PRSS3: variants seen among roughly 807,000 people sequenced by gnomAD.
PRSS3 encodes the protein serine protease 3.
PRSS3 carries 14 observed loss-of-function variants against 20.8 expected under a neutral mutation model. The observed-to-expected ratio is 0.67, with a 90% confidence interval of 0.44 to 1.05. The LOEUF (loss-of-function observed/expected upper bound fraction) is 1.05, where lower values mean the gene tolerates loss of function less well. Ranked by LOEUF, PRSS3 falls within the 50% of genes least tolerant of loss-of-function variation. PRSS3 has a pLI of 0.00. For synonymous variants in PRSS3, 91 were observed against 117.6 expected (o/e 0.77, Z 1.46); for missense variants, 237 against 306.4 (o/e 0.77, Z 1.69).
chr9:33,774,664 TA>T (rs1267136028), intron 1 of PRSS3, among the ~76,000 whole-genome samples: 2 of 152,078 alleles, frequency 1.3e-5, no homozygotes, highest in Non-Finnish European at 2.9e-5. Context: ...AACAAAAATG[TA>T]AATTTTTTAT....
At chr9:33,781,094 A>G (rs1201373301) in intron 1 of PRSS3, among the ~76,000 whole-genome samples, 1 of 152,236 alleles carries the variant, frequency 6.6e-6, no homozygotes, top group Non-Finnish European at 1.5e-5. Context: ...GTTGGTGGAA[A>G]TGTAAATTAG....
At chr9:33,795,427 T>A, upstream of PRSS3, 1 of 1,139,384 alleles carries the variant, frequency 8.8e-7, no homozygotes, top group Non-Finnish European at 1.3e-6. Context: ...GTAGCCGAGC[T>A]GATGCAAGAC....
At chr9:33,778,154 T>C (rs1824024585) in intron 1 of PRSS3, among the ~76,000 whole-genome samples, 1 of 152,122 alleles carries the variant, frequency 6.6e-6, no homozygotes, top group Non-Finnish European at 1.5e-5. Context: ...TCATTTATGA[T>C]AAAAACACTC....
At chr9:33,759,323 G>A (rs556962903) in intron 1 of PRSS3, among the ~76,000 whole-genome samples, 13 of 152,236 alleles carry the variant, frequency 8.5e-5, no homozygotes, top group East Asian at 3.9e-4. Flanking sequence ...GACTGGCTGC[G>A]GGGTGGAAGA....
rs1822659128 is a variant in PRSS3, at chr9:33,750,861, A to G, written c.-53+134A>G. The stretch of plus-strand genomic sequence containing the variant: ...GGGACCTGCGGGGGAGGGTACGCGG[A>G]CAGGGAGGGGATACCGACTGGGAGG... On this transcript the variant is annotated intron_variant, in intron 1 of 5. Coordinates refer to the PRSS3 transcript ENST00000342836. The surrounding 1 kb of genome is among the most constrained non-coding windows in gnomAD (Gnocchi z 4.8). The G allele has an allele frequency of 2.9e-6, 4 of 1,379,798 alleles. No homozygotes were observed. Among genetic ancestry groups the G allele is most frequent in the African/African-American group, 1.5e-5 (1 of 65,422 alleles). The allele number at this position is 1,379,798 out of a possible 1,614,324, so 85.5% of individuals were successfully genotyped here.
intron 1 of PRSS3, among the ~76,000 whole-genome samples, chr9:33,757,514 G>A (rs1337776304): frequency 6.7e-6 from 1 of 150,142 alleles, no homozygotes; most frequent in Non-Finnish European, 1.5e-5. Context: ...TAGATCACGT[G>A]AAGGGAACAG....
At chr9:33,776,854 A>AC (rs1823957083) in intron 1 of PRSS3, among the ~76,000 whole-genome samples, 1 of 152,168 alleles carries the variant, frequency 6.6e-6, no homozygotes, top group East Asian at 1.9e-4. Context: ...GTGCAATTGG[A>AC]GTAAGAGTGA....
chr9:33,768,210 T>C (rs1226489992), intron 1 of PRSS3, among the ~76,000 whole-genome samples: 2 of 152,240 alleles, frequency 1.3e-5, no homozygotes, highest in Non-Finnish European at 2.9e-5. Flanking sequence ...CTGGGCGCTG[T>C]GGCTCACGCC....
chr9:33,786,756 T>C (rs1322693144), intron 1 of PRSS3: 7 of 765,918 alleles, frequency 9.1e-6, no homozygotes, highest in Non-Finnish European at 1.7e-5. Context: ...CGCCCAAACC[T>C]AACATTCTCA....
intron 1 of PRSS3, among the ~76,000 whole-genome samples, chr9:33,766,289 A>AAT (rs1263152118): frequency 7.3e-6 from 1 of 137,448 alleles, no homozygotes; most frequent in African/African-American, 2.6e-5. Context: ...AAAAAAAAAA[A>AAT]GGAGCCGGGG....
chr9:33,787,178 C>T (rs1486618061), intron 1 of PRSS3, among the ~76,000 whole-genome samples: 1 of 152,116 alleles, frequency 6.6e-6, no homozygotes, highest in Admixed American at 6.5e-5. Context: ...TAGCCTTTAA[C>T]TGTTTTATCT....
At chr9:33,761,535 T>C (rs1158261395) in intron 1 of PRSS3, among the ~76,000 whole-genome samples, 16 of 151,974 alleles carry the variant, frequency 1.1e-4, no homozygotes, top group African/African-American at 3.9e-4. Flanking sequence ...GGAGAAACCC[T>C]GCCTCTACTA....
chr9:33,794,798 A>G (rs1435810756), upstream of PRSS3: 5 of 1,550,756 alleles, frequency 3.2e-6, no homozygotes, highest in African/African-American at 1.4e-5. Flanking sequence ...CAGGATGCAC[A>G]TGAGAGAGAC....
chr9:33,780,714 TC>T (rs1194967814), intron 1 of PRSS3, among the ~76,000 whole-genome samples: 1 of 152,068 alleles, frequency 6.6e-6, no homozygotes, highest in Non-Finnish European at 1.5e-5. Context: ...AAAATATCTA[TC>T]AAGCAAATGA....
At chr9:33,759,213 A>T (rs1369272021) in intron 1 of PRSS3, among the ~76,000 whole-genome samples, 1 of 152,188 alleles carries the variant, frequency 6.6e-6, no homozygotes, top group Non-Finnish European at 1.5e-5. Flanking sequence ...TCAGGTATAC[A>T]CAATGCAAGG....
rs762743833 is a variant in PRSS3 at position 33,752,016 on chromosome 9, G to A, written c.-53+1289G>A. Among the ~76,000 whole-genome samples, 6 of 152,166 alleles carry A rather than the reference G, an allele frequency of 3.9e-5. No homozygotes were observed. The South Asian group carries it at 1.2e-3, about 32-fold the overall frequency. ...GCAGAGGTGCCTGAGATAAGCAAAA[G>A]GTGAGGCATGACCTCTGGCTGTGCA... On this transcript the variant is annotated intron_variant, in intron 1 of 5. Coordinates refer to the PRSS3 transcript ENST00000342836.
At chr9:33,764,176 T>C (rs541882725) in intron 1 of PRSS3, among the ~76,000 whole-genome samples, 2 of 152,274 alleles carry the variant, frequency 1.3e-5, no homozygotes, top group Non-Finnish European at 2.9e-5. Context: ...GCTGGGACAC[T>C]TGGATATTCA....
Position 33,750,762 on chromosome 9 carries a change from G to C in PRSS3, c.-53+35G>C. On this transcript the variant is annotated intron_variant, in intron 1 of 5. Coordinates refer to the PRSS3 transcript ENST00000342836. This position sits in a 1 kb window ranked among gnomAD's most constrained non-coding sequence, Gnocchi z 4.8. ...CAGTACCCGCAGGGGGCTTGAAACT[G>C]GAGGAGGGCTCGAAGGGAGAGGGAG... 7.0e-7 allele frequency: 1 copy of C among 1,418,976 alleles called. No homozygotes were observed. 87.9% of individuals were successfully genotyped at this position (1,418,976 alleles called of 1,614,324 possible).
intron 1 of PRSS3, among the ~76,000 whole-genome samples, chr9:33,760,915 T>A (rs968681520): frequency 4.6e-5 from 7 of 152,126 alleles, no homozygotes; most frequent in Admixed American, 2.6e-4. Flanking sequence ...TGTTTTTCAA[T>A]CTCGAATTCA....
Sources: gnomAD v4.1 joint callset for allele counts (sites outside exome capture counted in the v4.1 genomes callset) on GRCh38, gnomAD v4.1.1 for gene constraint, Gnocchi (gnomAD v3.1) non-coding constraint, MANE v1.5 for transcripts, NCBI Gene and HGNC (gene_info 2026-07-23, HGNC 2026-07-21) for gene names.